The following CDC5L variants were observed in gnomAD, a reference collection of about 807,000 sequenced individuals.
CDC5L encodes the protein cell division cycle 5-like protein.
In CDC5L, 18 loss-of-function variants were observed where a neutral mutation model predicts 104.1. That is an observed-to-expected ratio of 0.17 (90% CI 0.12 to 0.26). The LOEUF (loss-of-function observed/expected upper bound fraction) is 0.26. CDC5L is among the 10% of genes least tolerant of loss of function. The pLI is 1.00. For synonymous variants in CDC5L, 331 were observed against 322.7 expected (o/e 1.03, Z -0.28); for missense variants, 673 against 956.9 (o/e 0.70, Z 3.91).
intron 8 of CDC5L, among the ~76,000 whole-genome samples, chr6:44,416,581 T>C (rs1791918048): frequency 6.6e-6 from 1 of 152,200 alleles, no homozygotes; most frequent in African/African-American, 2.4e-5. Flanking sequence ...TGTTTTACTT[T>C]TGATGAACTC....
rs551749097 is a variant in CDC5L, at chr6:44,401,634, T to C, written c.540-2175T>C. Among the ~76,000 whole-genome samples the C allele has an allele frequency of 1.2e-4, 19 of 152,052 alleles. No individual in the cohort carries two copies. The South Asian group carries it at 3.9e-3, about 32-fold the overall frequency. ...GTCTTGGTTTAAATATATATATTTT[T>C]CTCTTTTTTAAATTTAATTTAATTT... On this transcript the variant is annotated intron_variant, in intron 5 of 15. Coordinates refer to ENST00000371477, the MANE Select transcript of CDC5L (RefSeq NM_001253.4).
intron 14 of CDC5L, among the ~76,000 whole-genome samples, chr6:44,435,945 C>A (rs1792916503): frequency 6.6e-6 from 1 of 151,974 alleles, no homozygotes. Flanking sequence ...CCACGCTCGG[C>A]TAATTTTTGT....
chr6:44,424,617 G>T, intron 11 of CDC5L, 34 bp downstream of exon 11: 1 of 1,605,944 alleles, frequency 6.2e-7, no homozygotes, highest in Non-Finnish European at 8.5e-7. Context: ...CGTGAGTTTG[G>T]CTGAATGTGT....
chr6:44,421,501 T>C (rs1344605226), intron 9 of CDC5L, among the ~76,000 whole-genome samples: 1 of 152,336 alleles, frequency 6.6e-6, no homozygotes, highest in Non-Finnish European at 1.5e-5. Flanking sequence ...CCAAGAAGCA[T>C]TGGCAGCCAG....
intron 5 of CDC5L, among the ~76,000 whole-genome samples, chr6:44,397,929 T>G (rs1790943695): frequency 6.6e-6 from 1 of 152,306 alleles, no homozygotes; most frequent in African/African-American, 2.4e-5. Flanking sequence ...ATCTGGACTG[T>G]GTCACAGCTT....
intron 10 of CDC5L, among the ~76,000 whole-genome samples, chr6:44,423,432 T>C (rs900472028): frequency 1.2e-4 from 19 of 152,178 alleles, no homozygotes; most frequent in Non-Finnish European, 2.8e-4. Context: ...TCTGGGGAGA[T>C]TGACAGTACT....
chr6:44,443,705 G>A (rs886589234), intron 14 of CDC5L, among the ~76,000 whole-genome samples: 1 of 151,168 alleles, frequency 6.6e-6, no homozygotes, highest in African/African-American at 2.4e-5. Context: ...AATATTTTCT[G>A]TCTCTTTGTG....
At chr6:44,409,043 T>TG (rs1791511408) in intron 8 of CDC5L, among the ~76,000 whole-genome samples, 1 of 152,218 alleles carries the variant, frequency 6.6e-6, no homozygotes, top group Non-Finnish European at 1.5e-5. Context: ...GACACAGCTT[T>TG]GTGTGTTCCC....
Position 44,426,739 on chromosome 6 carries a change from G to A in CDC5L, c.1893+15G>A, listed in dbSNP as rs748070248. 1 of 1,609,426 alleles carries A rather than the reference G, an allele frequency of 6.2e-7. No individual in the cohort carries two copies. The highest frequency in any genetic ancestry group is 1.1e-5 in the South Asian group (1 of 90,814). On this transcript the variant is annotated intron_variant, in intron 13 of 15. Transcript: ENST00000371477. ...AGCTGAAAAAGGTATGATTGAGCTG[G>A]AATATTTCTTCTTGAGATTTAGGTA...
chr6:44,437,821 C>A (rs573532424), intron 14 of CDC5L, among the ~76,000 whole-genome samples: 4 of 152,172 alleles, frequency 2.6e-5, no homozygotes, highest in Non-Finnish European at 5.9e-5. Context: ...AATGTTAATT[C>A]GTATGATTAA....
intron 13 of CDC5L, among the ~76,000 whole-genome samples, chr6:44,428,214 A>G (rs1006418390): frequency 2.6e-5 from 4 of 152,084 alleles, no homozygotes; most frequent in Non-Finnish European, 4.4e-5. Context: ...TTTCTTTAAT[A>G]TACTTTAAGA....
At chr6:44,391,923 G>A (rs1292184930) in intron 2 of CDC5L, among the ~76,000 whole-genome samples, 3 of 152,214 alleles carry the variant, frequency 2.0e-5, no homozygotes, top group Non-Finnish European at 4.4e-5. Flanking sequence ...AGGAGGTGGA[G>A]GTTGTAGTGA....
chr6:44,431,365 A>G (rs1449222298), intron 14 of CDC5L, among the ~76,000 whole-genome samples: 5 of 152,200 alleles, frequency 3.3e-5, no homozygotes, highest in African/African-American at 1.2e-4. Flanking sequence ...AAAATAGAAC[A>G]TCAGTGGTTA....
chr6:44,390,104 A>G (rs572130774), intron 1 of CDC5L, among the ~76,000 whole-genome samples, 164 bp from the exon 2 acceptor site: 20 of 152,210 alleles, frequency 1.3e-4, no homozygotes, highest in Middle Eastern at 3.4e-3. Flanking sequence ...GGTTGCTGTT[A>G]TTATAGTTAA....
intron 1 of CDC5L, 150 bp from the exon 2 acceptor site, chr6:44,390,118 G>C: frequency 1.7e-6 from 1 of 576,034 alleles, no homozygotes; most frequent in Non-Finnish European, 3.1e-6. Flanking sequence ...TAGTTAATGA[G>C]GTTTTCATCC....
chr6:44,416,436 T>C (rs1196419219), intron 8 of CDC5L, among the ~76,000 whole-genome samples: 2 of 152,150 alleles, frequency 1.3e-5, no homozygotes, highest in African/African-American at 4.8e-5. Context: ...TATGGAGCAG[T>C]GGGGTGCAAG....
At position 44,426,712 on chromosome 6, in the gene CDC5L, A is replaced by G. The variant is rs746757825; in HGVS notation, c.1881A>G (p.Glu627=). The stretch of plus-strand genomic sequence containing the variant: ...ATCCTTATGAAAAGTTCTCCAAAGA[A>G]GAGCTGAAAAAGGTATGATTGAGCT... The part of the protein sequence containing the change: ...EHNPYEKFSK[E]ELKKAQDVLV... Residue 627 remains glutamate, a synonymous_variant, in exon 13 of 16, where the codon GAA becomes GAG. Transcript: ENST00000371477. 3.7e-6 allele frequency: 6 copies of G among 1,612,652 alleles called. 1 individual carries two copies. The South Asian group carries it at 5.5e-5, about 15-fold the overall frequency.
At chr6:44,401,744 G>A (rs1791136406) in intron 5 of CDC5L, among the ~76,000 whole-genome samples, 1 of 151,290 alleles carries the variant, frequency 6.6e-6, no homozygotes, top group Admixed American at 6.6e-5. Flanking sequence ...ATGCTGGTGT[G>A]CTGCACCCAT....
intron 4 of CDC5L, among the ~76,000 whole-genome samples, 179 bp from the exon 5 acceptor site, chr6:44,396,162 T>C (rs1034106764): frequency 6.6e-5 from 10 of 152,164 alleles, no homozygotes; most frequent in African/African-American, 2.2e-4. Flanking sequence ...GTGGGCCTGG[T>C]TTTTAACCTA....
Sources: gnomAD v4.1 joint callset for allele counts (sites outside exome capture counted in the v4.1 genomes callset) on GRCh38, gnomAD v4.1.1 for gene constraint, MANE v1.5 for transcripts, NCBI Gene and HGNC (gene_info 2026-07-23, HGNC 2026-07-21) for gene names.